CDH13: variants seen among roughly 807,000 people sequenced by gnomAD.
The protein encoded by CDH13 is cadherin-13.
CDH13 carries 24 observed loss-of-function variants against 63.8 expected under a neutral mutation model. The observed-to-expected ratio is 0.38, with a 90% CI of 0.27 to 0.53. CDH13 has a LOEUF of 0.53. Among genes scored for constraint, CDH13 ranks in the 20% least tolerant of loss-of-function variants. The pLI is 0.85. For missense variants in CDH13, 1,049 were observed against 903.1 expected, an observed-to-expected ratio of 1.16 and a Z score of -2.07; for synonymous variants, 503 against 355.3, an observed-to-expected ratio of 1.42 and a Z score of -4.67.
At chr16:83,519,824 A>C (rs1342051202) in intron 7 of CDH13, among the ~76,000 whole-genome samples, 2 of 152,122 alleles carry the variant, frequency 1.3e-5, no homozygotes, top group Non-Finnish European at 2.9e-5. Context: ...GAACTGAAAA[A>C]CATGCATGAG....
intron 3 of CDH13, among the ~76,000 whole-genome samples, chr16:83,091,183 T>C (rs1218299300): frequency 6.6e-6 from 1 of 152,146 alleles, no homozygotes; most frequent in East Asian, 1.9e-4. Context: ...TCTCTTCTTC[T>C]TTCTTCCTTC....
intron 4 of CDH13, among the ~76,000 whole-genome samples, chr16:83,132,291 C>T (rs1214461763): frequency 2.0e-5 from 3 of 152,194 alleles, no homozygotes; most frequent in East Asian, 3.9e-4. Context: ...TGATCAGGCA[C>T]TTACTGGGTT....
chr16:82,714,846 G>T (rs1258236544), intron 1 of CDH13, among the ~76,000 whole-genome samples: 1 of 142,794 alleles, frequency 7.0e-6, no homozygotes, highest in Non-Finnish European at 1.5e-5. Flanking sequence ...CAGAAGCTAA[G>T]AGAACAGCAT....
intron 7 of CDH13, among the ~76,000 whole-genome samples, chr16:83,491,996 T>G (rs554842937): frequency 3.3e-5 from 5 of 152,310 alleles, no homozygotes; most frequent in African/African-American, 1.2e-4. Context: ...CTTGAATATG[T>G]CAGAGAAGAA....
chr16:83,590,115 T>C (rs539115627), intron 7 of CDH13, among the ~76,000 whole-genome samples: 2 of 152,306 alleles, frequency 1.3e-5, no homozygotes, highest in African/African-American at 4.8e-5. Flanking sequence ...TTGTCTTTCA[T>C]GCTTGAAAAA....
intron 1 of CDH13, among the ~76,000 whole-genome samples, chr16:82,718,630 G>T (rs1395636109): frequency 6.6e-6 from 1 of 152,182 alleles, no homozygotes; most frequent in African/African-American, 2.4e-5. Flanking sequence ...GACTCACAGT[G>T]CTGGGGAGGC....
intron 5 of CDH13, among the ~76,000 whole-genome samples, chr16:83,238,831 A>T (rs892878933): frequency 6.6e-6 from 1 of 152,190 alleles, no homozygotes; most frequent in African/African-American, 2.4e-5. Flanking sequence ...TCTCCAAGTC[A>T]TGGAGAACTT....
intron 5 of CDH13, among the ~76,000 whole-genome samples, chr16:83,238,811 T>C (rs1031532077): frequency 6.6e-6 from 1 of 152,198 alleles, no homozygotes; most frequent in Admixed American, 6.5e-5. Context: ...TTTCATTCTA[T>C]ATGAAAATAT....
intron 1 of CDH13, among the ~76,000 whole-genome samples, chr16:82,628,868 G>T (rs1393122139): frequency 6.6e-6 from 1 of 152,212 alleles, no homozygotes; most frequent in Non-Finnish European, 1.5e-5. Flanking sequence ...CGGGCAAGTT[G>T]TTTAACCTCT....
chr16:83,040,728 A>G (rs572307067), intron 3 of CDH13, among the ~76,000 whole-genome samples: 2 of 152,328 alleles, frequency 1.3e-5, no homozygotes, highest in African/African-American at 4.8e-5. Context: ...AATATTTTGC[A>G]TCCTTCAATC....
At chr16:83,033,665 C>G (rs757483838) in intron 3 of CDH13, among the ~76,000 whole-genome samples, 7 of 152,194 alleles carry the variant, frequency 4.6e-5, no homozygotes, top group African/African-American at 1.7e-4. Flanking sequence ...CACACATATG[C>G]ATACACTTTA....
chr16:83,109,982 G>C (rs1017706450), intron 3 of CDH13, among the ~76,000 whole-genome samples: 5 of 152,324 alleles, frequency 3.3e-5, no homozygotes, highest in African/African-American at 1.2e-4. Flanking sequence ...AGTGTGGTTT[G>C]GCAAATTTTC....
intron 5 of CDH13, among the ~76,000 whole-genome samples, chr16:83,288,525 G>A (rs1305632409): frequency 6.6e-6 from 1 of 152,168 alleles, no homozygotes; most frequent in Admixed American, 6.5e-5. Flanking sequence ...GCAGCTCCCT[G>A]TGCCTTCTGG....
intron 5 of CDH13, among the ~76,000 whole-genome samples, chr16:83,294,530 C>G (rs112240326): frequency 1.3e-5 from 2 of 151,856 alleles, no homozygotes; most frequent in African/African-American, 4.8e-5. Flanking sequence ...AACATAATGT[C>G]CTCCAGGTTC....
At chr16:83,027,010 G>T (rs542510074) in intron 2 of CDH13, among the ~76,000 whole-genome samples, 24 of 151,968 alleles carry the variant, frequency 1.6e-4, no homozygotes, top group African/African-American at 5.3e-4. Flanking sequence ...ACTCCCTGCT[G>T]CTGGGTTCAA....
intron 4 of CDH13, among the ~76,000 whole-genome samples, chr16:83,196,026 C>T (rs1440195049): frequency 6.6e-6 from 1 of 152,154 alleles, no homozygotes; most frequent in East Asian, 1.9e-4. Flanking sequence ...GAGGCCGAGG[C>T]AGGCGGATCA....
chr16:82,657,331 C>CGCA (rs1567596271), intron 1 of CDH13, among the ~76,000 whole-genome samples: 1 of 152,138 alleles, frequency 6.6e-6, no homozygotes, highest in African/African-American at 2.4e-5. Flanking sequence ...TCTGTTGTAG[C>CGCA]GCACTCACCC....
At chr16:83,575,299 G>A (rs555696229) in intron 7 of CDH13, among the ~76,000 whole-genome samples, 1 of 152,192 alleles carries the variant, frequency 6.6e-6, no homozygotes, top group Non-Finnish European at 1.5e-5. Context: ...TAGGTGGATT[G>A]TGCACTATGT....
At chr16:83,175,386 A>G (rs1358509255) in intron 4 of CDH13, among the ~76,000 whole-genome samples, 3 of 152,192 alleles carry the variant, frequency 2.0e-5, no homozygotes, top group Non-Finnish European at 4.4e-5. Context: ...ACTGGTGAAG[A>G]CAGAACCATG....
Sources: allele counts gnomAD v4.1 joint callset (sites outside exome capture counted in the v4.1 genomes callset), GRCh38; gene constraint gnomAD v4.1.1; transcripts MANE v1.5; gene names NCBI Gene and HGNC (gene_info 2026-07-23, HGNC 2026-07-21).